ULK4: variants seen among roughly 807,000 people sequenced by gnomAD.
ULK4 encodes inactive serine/threonine-protein kinase ULK4.
Under a neutral mutation model 160.6 loss-of-function variants are expected in ULK4, and 133 were observed. The observed-to-expected ratio is 0.83, with a 90% confidence interval of 0.72 to 0.96. The LOEUF is 0.96. Among genes scored for constraint, ULK4 ranks in the 40% least tolerant of loss-of-function variants. ULK4 has a pLI of 0.00. For synonymous variants in ULK4, 534 were observed against 539.8 expected, an observed-to-expected ratio of 0.99 and a Z score of 0.15; for missense variants, 1,580 against 1,499.5, an observed-to-expected ratio of 1.05 and a Z score of -0.89.
chr3:41,272,035 G>C (rs1355379646), intron 35 of ULK4, among the ~76,000 whole-genome samples: 1 of 152,156 alleles, frequency 6.6e-6, no homozygotes, highest in African/African-American at 2.4e-5. Context: ...TTGTGCCTCA[G>C]CCTCCGGAGT....
At chr3:41,278,352 C>A (rs2079272744) in intron 35 of ULK4, among the ~76,000 whole-genome samples, 1 of 152,220 alleles carries the variant, frequency 6.6e-6, no homozygotes, top group Admixed American at 6.5e-5. Flanking sequence ...ATAGATTCCA[C>A]CCCTGTGGGC....
intron 31 of ULK4, among the ~76,000 whole-genome samples, chr3:41,592,900 T>C (rs929036264): frequency 1.3e-5 from 2 of 151,746 alleles, no homozygotes; most frequent in South Asian, 2.1e-4. Flanking sequence ...TTAATGTCGA[T>C]TTTTTTTTAA....
At chr3:41,259,809 T>C (rs2078907926) in intron 35 of ULK4, 1 of 152,148 alleles carries the variant, frequency 6.6e-6, no homozygotes, top group African/African-American at 2.4e-5. Context: ...TGAATGTGTG[T>C]GGCAAAAGGA....
intron 22 of ULK4, among the ~76,000 whole-genome samples, chr3:41,754,053 C>G (rs754517092): frequency 6.6e-6 from 1 of 152,160 alleles, no homozygotes. Flanking sequence ...GATCCAATTA[C>G]TCCCACTTGG....
At chr3:41,256,526 T>C (rs1477959547) in intron 35 of ULK4, among the ~76,000 whole-genome samples, 1 of 152,212 alleles carries the variant, frequency 6.6e-6, no homozygotes, top group Non-Finnish European at 1.5e-5. Flanking sequence ...AACAAATGGA[T>C]GCGCATATGC....
chr3:41,890,143 T>G (rs536312664), intron 16 of ULK4, among the ~76,000 whole-genome samples: 1 of 152,256 alleles, frequency 6.6e-6, no homozygotes. Context: ...TGTTCTGAAA[T>G]TAGATAATGG....
chr3:41,810,156 T>G (rs140524198), intron 19 of ULK4, among the ~76,000 whole-genome samples: 1 of 152,334 alleles, frequency 6.6e-6, no homozygotes, highest in African/African-American at 2.4e-5. Flanking sequence ...CTTCATTTAT[T>G]GGGAAAGAGA....
At chr3:41,778,217 T>C (rs1402030204) in intron 21 of ULK4, among the ~76,000 whole-genome samples, 25 of 82,520 alleles carry the variant, frequency 3.0e-4, no homozygotes, top group Admixed American at 1.4e-3. Context: ...AAATCATGGG[T>C]GAACTCCCAT....
At chr3:41,416,130 C>T (rs1575532198) in intron 34 of ULK4, among the ~76,000 whole-genome samples, 2 of 152,164 alleles carry the variant, frequency 1.3e-5, no homozygotes, top group East Asian at 3.8e-4. Flanking sequence ...GTGTTAAACA[C>T]ATAAATAAAA....
At chr3:41,814,740 T>TC (rs1191970640) in intron 19 of ULK4, among the ~76,000 whole-genome samples, 1 of 152,096 alleles carries the variant, frequency 6.6e-6, no homozygotes, top group Non-Finnish European at 1.5e-5. Flanking sequence ...CTTAAAAATC[T>TC]CCCATATTGC....
At chr3:41,616,973 C>G (rs999353611) in intron 30 of ULK4, among the ~76,000 whole-genome samples, 1 of 152,156 alleles carries the variant, frequency 6.6e-6, no homozygotes, top group African/African-American at 2.4e-5. Flanking sequence ...ATTACTGAGA[C>G]TTTAGTAGGT....
Position 41,911,667 on chromosome 3 carries a change from T to C in ULK4, c.897-8A>G, listed in dbSNP as rs756679562. 6.3e-7 allele frequency: 1 copy of C among 1,599,320 alleles called. No homozygotes were observed. The highest frequency in any genetic ancestry group is 8.6e-7 in the Non-Finnish European group (1 of 1,169,004). On this transcript the variant is annotated splice_polypyrimidine_tract_variant and splice_region_variant and intron_variant, in intron 9 of 36. Coordinates refer to ENST00000301831, the MANE Select transcript of ULK4 (RefSeq NM_017886.4). ...CACTCCATAGTGTTTCTGCTATTATTGGAGAAAACCAACACAATCAAACTT... is the reference window on the plus strand; with the variant it reads ...CACTCCATAGTGTTTCTGCTATTATCGGAGAAAACCAACACAATCAAACTT...
chr3:41,527,651 G>A (rs2086166229), intron 32 of ULK4, among the ~76,000 whole-genome samples: 1 of 152,170 alleles, frequency 6.6e-6, no homozygotes, highest in African/African-American at 2.4e-5. Context: ...GGTACGAACA[G>A]CTTTGGCTAC....
chr3:41,854,949 TA>T (rs60582292), intron 17 of ULK4: 7,296 of 106,542 alleles, frequency 0.068, 272 homozygotes, highest in East Asian at 0.15. Flanking sequence ...ATCCTTGGCT[TA>T]AAAAAAAAAA....
intron 30 of ULK4, among the ~76,000 whole-genome samples, chr3:41,627,322 T>G (rs2033561477): frequency 6.6e-6 from 1 of 152,004 alleles, no homozygotes; most frequent in African/African-American, 2.4e-5. Context: ...ACAGGACAGG[T>G]CCATGGAGAT....
At chr3:41,953,912 G>A (rs113188172) in intron 2 of ULK4, among the ~76,000 whole-genome samples, 7,370 of 151,930 alleles carry the variant, frequency 0.049, 550 homozygotes, top group African/African-American at 0.17. Context: ...GGCCGGGCGC[G>A]GTGGCTCACA....
intron 32 of ULK4, among the ~76,000 whole-genome samples, chr3:41,500,697 C>T (rs2085171055): frequency 6.6e-6 from 1 of 152,168 alleles, no homozygotes; most frequent in South Asian, 2.1e-4. Context: ...TGGTACCAAG[C>T]ACAGCCAGTT....
intron 17 of ULK4, among the ~76,000 whole-genome samples, chr3:41,872,530 A>T (rs1381831949): frequency 6.6e-6 from 1 of 151,778 alleles, no homozygotes; most frequent in Non-Finnish European, 1.5e-5. Context: ...AACTTAGCAC[A>T]TCTGCAGAAG....
At chr3:41,477,795 C>A (rs1161571133) in intron 32 of ULK4, among the ~76,000 whole-genome samples, 4 of 152,168 alleles carry the variant, frequency 2.6e-5, no homozygotes, top group East Asian at 3.8e-4. Context: ...CCTCTTCTGG[C>A]CAAAGGTTAA....
Sources: allele counts gnomAD v4.1 joint callset (sites outside exome capture counted in the v4.1 genomes callset), GRCh38; gene constraint gnomAD v4.1.1; transcripts MANE v1.5; gene names NCBI Gene and HGNC (gene_info 2026-07-23, HGNC 2026-07-21).